CFAP43: variants seen among roughly 807,000 people sequenced by gnomAD.
CFAP43 encodes the protein cilia and flagella associated protein 43, also known as cilia- and flagella-associated protein 43.
A neutral mutation model predicts 218.9 loss-of-function variants in CFAP43; 155 were observed. That is an observed-to-expected ratio of 0.71 (90% CI 0.62 to 0.81). The LOEUF is 0.81. Among genes scored for constraint, CFAP43 ranks in the 30% least tolerant of loss-of-function variants. The pLI is 0.00. For missense variants in CFAP43, 1,778 were observed against 1,954.3 expected, an observed-to-expected ratio of 0.91 and a Z score of 1.70; for synonymous variants, 645 against 681.3, an observed-to-expected ratio of 0.95 and a Z score of 0.83.
chr10:104,212,685 C>A (rs1341119746), intron 4 of CFAP43, among the ~76,000 whole-genome samples: 1 of 152,172 alleles, frequency 6.6e-6, no homozygotes, highest in Non-Finnish European at 1.5e-5. Flanking sequence ...AGGCTGTATT[C>A]AGCTACTTTT....
rs2089448744 is a variant in CFAP43, at chr10:104,172,412, T to C, written c.2584A>G (p.Lys862Glu). The change falls in exon 20 of 38, where the codon AAG becomes GAG. Residue 862 changes from lysine (K) to glutamate (E), a missense_variant and splice_region_variant. Transcript: ENST00000357060. ...GCTTAAATTATACTTTTTCATACCT[T>C]TGCCACTTCTTCCTGACTTTCATCA... is the stretch of plus-strand genomic sequence containing the variant. Reference protein sequence around the residue: ...LHDESQEEVAKMIKDVEMHNL... With the variant: ...LHDESQEEVAEMIKDVEMHNL... 1 of 1,607,870 alleles carries C rather than the reference T, an allele frequency of 6.2e-7. No homozygotes were observed. The highest frequency in any genetic ancestry group is 1.1e-5 in the South Asian group (1 of 88,898).
At chr10:104,166,405 G>C (rs1589684261) in intron 23 of CFAP43, 83 bp downstream of exon 23, 1 of 933,582 alleles carries the variant, frequency 1.1e-6, no homozygotes, top group Non-Finnish European at 1.6e-6. Flanking sequence ...CATTTGATTG[G>C]CATTTGTTTT....
At chr10:104,133,496 T>A (rs570310436) in intron 35 of CFAP43, 124 bp downstream of exon 35, 1 of 1,070,898 alleles carries the variant, frequency 9.3e-7, no homozygotes, top group African/African-American at 1.6e-5. Flanking sequence ...ACAGATATAT[T>A]TTGAAACACT....
Position 104,151,406 on chromosome 10 carries a change from G to C in CFAP43, c.3660+1201C>G, listed in dbSNP as rs529101533. The stretch of plus-strand genomic sequence containing the variant: ...TTTCTCCACAGCCTCACCAGTATCT[G>C]TAATTTTTTTACTCTTTAGTAGTAG... On this transcript the variant is annotated intron_variant, in intron 28 of 37. Coordinates refer to ENST00000357060, the MANE Select transcript of CFAP43 (RefSeq NM_025145.7). Among the ~76,000 whole-genome samples, 7 of 152,260 alleles carry C rather than the reference G, an allele frequency of 4.6e-5. No individual in the cohort carries two copies. In the East Asian group the frequency reaches 1.3e-3, roughly 29 times the overall value.
At chr10:104,212,471 A>T (rs1426703461) in intron 4 of CFAP43, among the ~76,000 whole-genome samples, 1 of 152,122 alleles carries the variant, frequency 6.6e-6, no homozygotes, top group Non-Finnish European at 1.5e-5. Flanking sequence ...AAAATGGGAA[A>T]ATATTTGTCC....
At chr10:104,156,420 C>A (rs2088548694) in intron 27 of CFAP43, among the ~76,000 whole-genome samples, 1 of 152,152 alleles carries the variant, frequency 6.6e-6, no homozygotes, top group Admixed American at 6.5e-5. Flanking sequence ...TTTGGAGGGA[C>A]TGTTTCTTTA....
chr10:104,153,958 C>T (rs2088410467), intron 27 of CFAP43, among the ~76,000 whole-genome samples: 3 of 152,148 alleles, frequency 2.0e-5, no homozygotes, highest in African/African-American at 4.8e-5. Flanking sequence ...ACCCAGGTTA[C>T]ACATTTTTAG....
chr10:104,191,787 TG>T (rs1297981818), intron 12 of CFAP43, among the ~76,000 whole-genome samples: 1 of 79,366 alleles, frequency 1.3e-5, no homozygotes, highest in African/African-American at 6.1e-5. Flanking sequence ...AAATTGTGTG[TG>T]TGGGGGGGGG....
intron 32 of CFAP43, 25 bp from the exon 33 acceptor site, chr10:104,142,418 G>T (rs759158146): frequency 9.4e-6 from 15 of 1,588,314 alleles, no homozygotes; most frequent in Non-Finnish European, 1.2e-5. Context: ...CCAGAAACAT[G>T]TCAGAACATA....
At chr10:104,162,783 G>A (rs914791027) in intron 24 of CFAP43, among the ~76,000 whole-genome samples, 2 of 151,804 alleles carry the variant, frequency 1.3e-5, no homozygotes, top group African/African-American at 4.8e-5. Flanking sequence ...GACCAGAATG[G>A]AGCCAGGTGG....
At chr10:104,200,630 C>G (rs2090505716) in intron 8 of CFAP43, among the ~76,000 whole-genome samples, 1 of 141,676 alleles carries the variant, frequency 7.1e-6, no homozygotes, top group South Asian at 2.2e-4. Flanking sequence ...CAGATCGCAC[C>G]ACTGTACTCC....
intron 14 of CFAP43, among the ~76,000 whole-genome samples, chr10:104,187,029 T>C (rs1423254013): frequency 2.0e-5 from 3 of 152,248 alleles, no homozygotes; most frequent in Non-Finnish European, 4.4e-5. Context: ...GTAGAATAGA[T>C]TTCCTAATGC....
intron 28 of CFAP43, among the ~76,000 whole-genome samples, chr10:104,150,184 C>CA (rs1276577200): frequency 2.0e-5 from 3 of 152,170 alleles, no homozygotes; most frequent in African/African-American, 7.2e-5. Context: ...CATCTGCTCT[C>CA]AGCTGTTGAA....
intron 6 of CFAP43, among the ~76,000 whole-genome samples, 182 bp downstream of exon 6, chr10:104,207,483 G>A (rs1048493318): frequency 2.0e-5 from 3 of 152,138 alleles, no homozygotes; most frequent in East Asian, 3.9e-4. Flanking sequence ...TCATAATGTT[G>A]TTCTGAGGAT....
chr10:104,145,031 C>G (rs2087893524), intron 31 of CFAP43, among the ~76,000 whole-genome samples: 1 of 152,214 alleles, frequency 6.6e-6, no homozygotes. Flanking sequence ...AAAAGAAAAG[C>G]TGCTTAACTT....
Position 104,146,313 on chromosome 10 carries a change from C to T in CFAP43, c.3805G>A (p.Asp1269Asn), listed in dbSNP as rs79892472. The change falls in exon 30 of 38, where the codon GAC (aspartate) becomes AAC (asparagine). Residue 1269 changes from aspartate to asparagine, a missense_variant. Physicochemically the swap from Asp to Asn is conservative, Grantham distance 23. Coordinates refer to ENST00000357060, the MANE Select transcript of CFAP43 (RefSeq NM_025145.7). Reference protein sequence around the residue: ...TSEAVRKSREDLDVCKEHYDN... With the variant: ...TSEAVRKSRENLDVCKEHYDN... ...TAGTGCTCCTTGCACACATCCAGGT[C>T]TTCTCTAGATTTCCGAACAGCTTCT... is the stretch of plus-strand genomic sequence containing the variant. The T allele has an allele frequency of 1.2e-5, 19 of 1,613,678 alleles. No individual in the cohort carries two copies. In the East Asian group the frequency reaches 1.8e-4, roughly 15 times the overall value.
intron 26 of CFAP43, 147 bp downstream of exon 26, chr10:104,161,814 G>T: frequency 1.5e-6 from 1 of 658,864 alleles, no homozygotes; most frequent in Non-Finnish European, 2.5e-6. Flanking sequence ...CCCTAATGTG[G>T]TAGGTTTATA....
At chr10:104,174,999 G>T (rs185466943) in intron 19 of CFAP43, among the ~76,000 whole-genome samples, 1,758 of 151,942 alleles carry the variant, frequency 0.012, 28 homozygotes, top group African/African-American at 0.036. Flanking sequence ...AGCTTGCAGT[G>T]AGCCGAGATC....
Position 104,214,140 on chromosome 10 carries a change from TGTGTGTATGC to T in CFAP43, c.584+109_584+118del, listed in dbSNP as rs1589795487. On this transcript the variant is annotated intron_variant, in intron 4 of 37. Coordinates refer to ENST00000357060, the MANE Select transcript of CFAP43 (RefSeq NM_025145.7). ...TAAGCTGAACGTATGTGTGTGTATG[TGTGTGTATGC>T]ATATATATGTATGTATAAAGCCACT... The T allele has an allele frequency of 5.7e-6, 5 of 871,376 alleles. No homozygotes were observed. In the East Asian group the frequency reaches 1.4e-4, roughly 25 times the overall value. The allele number at this position is 871,376 out of a possible 1,614,324, so 54.0% of individuals were successfully genotyped here. A position where few individuals can be genotyped will look rare whatever the true frequency, so the allele number is the denominator to read the frequency against.
Sources: allele counts gnomAD v4.1 joint callset (sites outside exome capture counted in the v4.1 genomes callset), GRCh38; gene constraint gnomAD v4.1.1; transcripts MANE v1.5; gene names NCBI Gene and HGNC (gene_info 2026-07-23, HGNC 2026-07-21).